PLGRKT: variants seen among roughly 807,000 people sequenced by gnomAD.
The protein encoded by PLGRKT is plasminogen receptor with a C-terminal lysine, also known as plasminogen receptor (KT).
Under a neutral mutation model 18.5 loss-of-function variants are expected in PLGRKT, and 22 were observed. The ratio of observed to expected loss-of-function variants is 1.19; its 90% CI spans 0.85 to 1.70. The LOEUF is 1.70. Among genes scored for constraint, PLGRKT ranks in the 40% most tolerant of loss-of-function variants. The probability of loss-of-function intolerance (pLI) is 0.00; values close to 1 mark genes in which losing one functional copy is unlikely to be tolerated. For missense variants in PLGRKT, 235 were observed against 174.4 expected, an observed-to-expected ratio of 1.35 and a Z score of -1.96; for synonymous variants, 72 against 52.8, an observed-to-expected ratio of 1.36 and a Z score of -1.58.
intron 3 of PLGRKT, among the ~76,000 whole-genome samples, chr9:5,378,730 T>C (rs1586710761): frequency 6.6e-6 from 1 of 152,006 alleles, no homozygotes; most frequent in Admixed American, 6.6e-5. Flanking sequence ...TTAAATGACA[T>C]GAAGCAAAAC....
intron 3 of PLGRKT, among the ~76,000 whole-genome samples, chr9:5,385,454 C>G (rs1817824688): frequency 6.6e-6 from 1 of 151,584 alleles, no homozygotes; most frequent in Admixed American, 6.6e-5. Flanking sequence ...CCTCGTGATC[C>G]TCCTGCCTCA....
Position 5,358,005 on chromosome 9 carries a change from CT to C in PLGRKT, c.*233del, listed in dbSNP as rs550816857. 2.1e-5 allele frequency: 7 copies of C among 325,720 alleles called. No homozygotes were observed. The highest frequency in any genetic ancestry group is 3.9e-5 in the Non-Finnish European group (7 of 180,294). 20.2% of individuals were successfully genotyped at this position (325,720 alleles called of 1,614,324 possible). A position where few individuals can be genotyped will look rare whatever the true frequency, so the allele number is the denominator to read the frequency against. On this transcript the variant is annotated 3_prime_UTR_variant, in exon 6 of 6. Transcript: ENST00000223864. ...TTCAAAACAATTTATTAATTTTACACTTAGATATTGGTAATGCACACAGAGA... is the reference window on the plus strand; with the variant it reads ...TTCAAAACAATTTATTAATTTTACACTAGATATTGGTAATGCACACAGAGA...
intron 3 of PLGRKT, among the ~76,000 whole-genome samples, chr9:5,369,225 T>C (rs1346594068): frequency 3.9e-5 from 6 of 152,096 alleles, no homozygotes; most frequent in Admixed American, 6.6e-5. Context: ...AAGGCTAATA[T>C]CCAGAATTTA....
intron 3 of PLGRKT, among the ~76,000 whole-genome samples, chr9:5,370,743 T>C (rs1176710600): frequency 3.3e-5 from 5 of 152,206 alleles, no homozygotes; most frequent in African/African-American, 1.2e-4. Flanking sequence ...TAATACCTTC[T>C]AAACCAAAAG....
chr9:5,421,792 C>T (rs1818580250), intron 3 of PLGRKT, among the ~76,000 whole-genome samples: 1 of 152,130 alleles, frequency 6.6e-6, no homozygotes, highest in African/African-American at 2.4e-5. Flanking sequence ...AAGCAACCTC[C>T]CTACAATCAA....
chr9:5,419,702 A>G (rs200519092), intron 3 of PLGRKT, among the ~76,000 whole-genome samples: 86 of 132,272 alleles, frequency 6.5e-4, no homozygotes, highest in East Asian at 3.7e-3. Context: ...ATTTGGGGGG[A>G]AAAAAAAAGA....
intron 3 of PLGRKT, among the ~76,000 whole-genome samples, chr9:5,420,945 T>G (rs752399892): frequency 1.1e-4 from 17 of 152,262 alleles, no homozygotes; most frequent in Admixed American, 3.9e-4. Flanking sequence ...GTGCTCATAA[T>G]AGTTATTTGC....
chr9:5,397,007 G>A (rs941840727), intron 3 of PLGRKT, among the ~76,000 whole-genome samples: 1 of 151,976 alleles, frequency 6.6e-6, no homozygotes, highest in African/African-American at 2.4e-5. Context: ...TACTAAAGCA[G>A]AATTTTTGAA....
intron 3 of PLGRKT, among the ~76,000 whole-genome samples, chr9:5,394,540 G>C (rs1191383035): frequency 6.6e-6 from 1 of 151,648 alleles, no homozygotes; most frequent in South Asian, 2.1e-4. Flanking sequence ...AGCCTCCCGA[G>C]TAGCTGGGAT....
At chr9:5,425,390 C>A (rs1301388383) in intron 3 of PLGRKT, among the ~76,000 whole-genome samples, 2 of 152,104 alleles carry the variant, frequency 1.3e-5, no homozygotes, top group African/African-American at 4.8e-5. Context: ...ACAATTTGAA[C>A]CAAAGTCGTA....
chr9:5,403,720 G>T (rs545017151), intron 3 of PLGRKT, among the ~76,000 whole-genome samples: 1 of 152,322 alleles, frequency 6.6e-6, no homozygotes, highest in South Asian at 2.1e-4. Context: ...TTAGTGATGA[G>T]TATGAAGGGG....
At chr9:5,422,197 GC>G (rs1244665041) in intron 3 of PLGRKT, among the ~76,000 whole-genome samples, 2 of 152,132 alleles carry the variant, frequency 1.3e-5, no homozygotes, top group Non-Finnish European at 2.9e-5. Context: ...GGATGGTAAG[GC>G]CGGCCGATCA....
rs571735951 is a variant in PLGRKT at position 5,365,604 on chromosome 9, G to A, written c.82-3716C>T. 3.9e-5 allele frequency among the ~76,000 whole-genome samples: 6 copies of A among 152,272 alleles called. No homozygotes were observed. In the South Asian group the frequency reaches 1.0e-3, roughly 26 times the overall value. On this transcript the variant is annotated intron_variant, in intron 3 of 5. Coordinates refer to ENST00000223864, the MANE Select transcript of PLGRKT (RefSeq NM_018465.4). Reference sequence around the variant, plus strand: ...GAGACAAGAAGACTAAATGTCATGTGGCATCCTGGGTGAGATTCTGGGACA... The same window carrying A: ...GAGACAAGAAGACTAAATGTCATGTAGCATCCTGGGTGAGATTCTGGGACA...
chr9:5,432,037 G>C, intron 2 of PLGRKT, 54 bp from the exon 3 acceptor site: 2 of 780,286 alleles, frequency 2.6e-6, no homozygotes, highest in Non-Finnish European at 4.6e-6. Flanking sequence ...ATGCATTCTT[G>C]TATGCTCCAC....
intron 3 of PLGRKT, among the ~76,000 whole-genome samples, chr9:5,377,776 T>G (rs1184347464): frequency 6.6e-6 from 1 of 152,088 alleles, no homozygotes; most frequent in African/African-American, 2.4e-5. Context: ...GAGGTGGCAG[T>G]GTTTGTCCCC....
chr9:5,412,669 A>G (rs2131146698), intron 3 of PLGRKT, among the ~76,000 whole-genome samples: 1 of 152,356 alleles, frequency 6.6e-6, no homozygotes, highest in African/African-American at 2.4e-5. Context: ...AAATGAACGA[A>G]GACAAAAGTA....
chr9:5,407,672 A>G (rs1818282020), intron 3 of PLGRKT, among the ~76,000 whole-genome samples: 1 of 152,200 alleles, frequency 6.6e-6, no homozygotes, highest in Admixed American at 6.5e-5. Context: ...AAAATTCTGA[A>G]GCATTGCTTT....
At chr9:5,429,983 C>T (rs540383427) in intron 3 of PLGRKT, among the ~76,000 whole-genome samples, 172 of 152,308 alleles carry the variant, frequency 1.1e-3, no homozygotes, top group African/African-American at 4.0e-3. Flanking sequence ...CCACCCCTTG[C>T]TCATGGCCCA....
chr9:5,433,990 C>A lies in PLGRKT; in HGVS notation c.-6-2007G>T, dbSNP rs564723965. On this transcript the variant is annotated intron_variant, in intron 2 of 5. Transcript: ENST00000223864. Reference sequence around the variant, plus strand: ...GTGAGGAGCGCCTCTGCCCGGCTGCCCCGTCTGGGAGGAAGTGAGGAGCGC... The same window carrying A: ...GTGAGGAGCGCCTCTGCCCGGCTGCACCGTCTGGGAGGAAGTGAGGAGCGC... 1.8e-4 allele frequency among the ~76,000 whole-genome samples: 26 copies of A among 148,102 alleles called. No individual in the cohort carries two copies. The East Asian group carries it at 5.4e-3, about 31-fold the overall frequency.
Sources: gnomAD v4.1 joint callset for allele counts (sites outside exome capture counted in the v4.1 genomes callset) on GRCh38, gnomAD v4.1.1 for gene constraint, MANE v1.5 for transcripts, NCBI Gene and HGNC (gene_info 2026-07-23, HGNC 2026-07-21) for gene names.